The following EML6 variants were observed in gnomAD, a reference collection of about 807,000 sequenced individuals.
EML6 encodes echinoderm microtubule-associated protein-like 6.
In EML6, 154 loss-of-function variants were observed where a neutral mutation model predicts 240.1. That is an observed-to-expected ratio of 0.64 (90% CI 0.56 to 0.73). The LOEUF (loss-of-function observed/expected upper bound fraction) is 0.73. Ranked by LOEUF, EML6 falls within the 30% of genes least tolerant of loss-of-function variation. The probability of loss-of-function intolerance (pLI) is 0.00; values close to 1 mark genes in which losing one functional copy is unlikely to be tolerated. For missense variants in EML6, 2,964 were observed against 2,474.6 expected (o/e 1.20, Z -4.20); for synonymous variants, 1,148 against 899.0 (o/e 1.28, Z -4.95).
chr2:54,765,199 T>C (rs1668133751), intron 2 of EML6, among the ~76,000 whole-genome samples: 1 of 152,192 alleles, frequency 6.6e-6, no homozygotes, highest in South Asian at 2.1e-4. Context: ...TAACTTATTG[T>C]GTATAATTTA....
intron 13 of EML6, among the ~76,000 whole-genome samples, chr2:54,866,076 G>T (rs1670954773): frequency 6.6e-6 from 1 of 152,090 alleles, no homozygotes; most frequent in Non-Finnish European, 1.5e-5. Context: ...AATGATTTTT[G>T]ATCAAATCCT....
At chr2:54,941,246 T>C (rs1675413125) in intron 28 of EML6, among the ~76,000 whole-genome samples, 1 of 152,246 alleles carries the variant, frequency 6.6e-6, no homozygotes, top group Non-Finnish European at 1.5e-5. Flanking sequence ...ACATTTGTCA[T>C]TTATTTCTGT....
In EML6 at chr2:54,763,912, G is replaced by T. The variant is rs182446563; in HGVS notation, c.197+38654G>T. Among the ~76,000 whole-genome samples the T allele has an allele frequency of 9.8e-4, 150 of 152,324 alleles. 1 individual carries two copies. Among genetic ancestry groups the T allele is most frequent in the African/African-American group, 3.4e-3 (141 of 41,562 alleles). Reference sequence around the variant, plus strand: ...TGGGAAGTGAGGTTCAAGATCTCCAGCCCTGAAGGCCTCTCCAAACTCCGT... The same window carrying T: ...TGGGAAGTGAGGTTCAAGATCTCCATCCCTGAAGGCCTCTCCAAACTCCGT... On this transcript the variant is annotated intron_variant, in intron 2 of 41. Transcript: ENST00000356458.
At chr2:54,864,734 G>A (rs1046362676) in intron 13 of EML6, among the ~76,000 whole-genome samples, 5 of 152,232 alleles carry the variant, frequency 3.3e-5, no homozygotes, top group African/African-American at 1.2e-4. Flanking sequence ...TGTCCACGTT[G>A]CTTGTCGTAT....
intron 2 of EML6, among the ~76,000 whole-genome samples, chr2:54,730,470 A>G (rs1683103879): frequency 6.6e-6 from 1 of 152,196 alleles, no homozygotes; most frequent in Non-Finnish European, 1.5e-5. Context: ...TATTAAGTTG[A>G]GTGCTTGCTC....
intron 2 of EML6, among the ~76,000 whole-genome samples, chr2:54,788,263 C>T (rs546641198): frequency 4.5e-4 from 69 of 152,310 alleles, no homozygotes; most frequent in African/African-American, 1.4e-3. Context: ...GGGCTGCCCT[C>T]TTCTCTCTGG....
intron 7 of EML6, among the ~76,000 whole-genome samples, chr2:54,842,002 A>G (rs545650613): frequency 7.9e-5 from 12 of 152,076 alleles, no homozygotes; most frequent in Non-Finnish European, 1.2e-4. Flanking sequence ...ACACATACAT[A>G]GCTTCCCTCA....
chr2:54,813,570 G>A (rs1667955405), intron 3 of EML6, among the ~76,000 whole-genome samples, 179 bp downstream of exon 3: 2 of 152,076 alleles, frequency 1.3e-5, no homozygotes, highest in Admixed American at 6.6e-5. Context: ...ACCAAACTCT[G>A]GACAGGCCTT....
chr2:54,797,167 A>AAAAAAAAAAAAAAAAAAAAACC (rs1669839317), intron 2 of EML6, among the ~76,000 whole-genome samples: 1 of 114,020 alleles, frequency 8.8e-6, no homozygotes. Context: ...TCCATCTCAA[A>AAAAAAAAAAAAAAAAAAAAACC]AAAAAAAAAA....
rs1011905947 is a variant in EML6, at chr2:54,928,415, G to T, written c.3778G>T (p.Asp1260Tyr). 6.5e-7 allele frequency: 1 copy of T among 1,548,472 alleles called. No individual in the cohort carries two copies. The highest frequency in any genetic ancestry group is 8.7e-7 in the Non-Finnish European group (1 of 1,145,596). ...TGTGCTGCTCACGGTGGGCGGCGCC[G>T]ACACAGCCCTGATGATCTGGACCAG... ...DSVLLTVGGA[D>Y]TALMIWTREF... Residue 1260 changes from aspartate to tyrosine, a missense_variant, in exon 27 of 42, where the codon GAC (aspartate) becomes TAC (tyrosine). Coordinates refer to ENST00000356458, the MANE Select transcript of EML6 (RefSeq NM_001039753.4).
In EML6 at chr2:54,844,170, G is replaced by A; in HGVS notation, c.971G>A (p.Cys324Tyr). The change falls in exon 8 of 42, where the codon TGC (cysteine) becomes TAC (tyrosine). Residue 324 changes from cysteine to tyrosine, a missense_variant. Physicochemically the swap from Cys to Tyr is radical, Grantham distance 194 (BLOSUM62 -2). Transcript: ENST00000356458. ...CCGATGTTGATCCTACAGGGCCACT[G>A]CGAGGGTGAGCTCTGGGCTCTGGCC... is the stretch of plus-strand genomic sequence containing the variant. ...DKPMLILQGH[C>Y]EGELWALALH... is the part of the protein sequence containing the mutation. 1 of 1,551,752 alleles carries A rather than the reference G, an allele frequency of 6.4e-7. No individual in the cohort carries two copies. The highest frequency in any genetic ancestry group is 8.7e-7 in the Non-Finnish European group (1 of 1,146,998).
intron 25 of EML6, among the ~76,000 whole-genome samples, chr2:54,915,106 C>G (rs1056187774): frequency 2.0e-5 from 3 of 152,194 alleles, no homozygotes; most frequent in African/African-American, 7.2e-5. Flanking sequence ...CCAGCATTTT[C>G]AACAAGTTTA....
chr2:54,754,425 A>G (rs2103724810), intron 2 of EML6, among the ~76,000 whole-genome samples: 1 of 152,298 alleles, frequency 6.6e-6, no homozygotes, highest in East Asian at 1.9e-4. Flanking sequence ...TATGGCAGCA[A>G]TAGGAAACTA....
At chr2:54,767,794 A>G (rs1668248361) in intron 2 of EML6, among the ~76,000 whole-genome samples, 1 of 151,688 alleles carries the variant, frequency 6.6e-6, no homozygotes, top group Non-Finnish European at 1.5e-5. Context: ...TAATTTTTGT[A>G]TTTTTTTGTA....
At position 54,831,070 on chromosome 2, in the gene EML6, A is replaced by AT. The variant is rs1466519869; in HGVS notation, c.847+1601dup. Among the ~76,000 whole-genome samples the AT allele has an allele frequency of 2.6e-5, 4 of 152,076 alleles. No individual in the cohort carries two copies. The East Asian group carries it at 7.7e-4, about 29-fold the overall frequency. ...AAGCTTGCAAGTACCCGTAAGAGCA[A>AT]TTTTTTTTAAGTACAGTAGCCAAAA... On this transcript the variant is annotated intron_variant, in intron 7 of 41. Coordinates refer to ENST00000356458, the MANE Select transcript of EML6 (RefSeq NM_001039753.4).
chr2:54,954,758 G>A (rs139728498), intron 32 of EML6, among the ~76,000 whole-genome samples: 1 of 152,118 alleles, frequency 6.6e-6, no homozygotes, highest in African/African-American at 2.4e-5. Context: ...CTGAATGTGT[G>A]GTCATCTTAG....
At chr2:54,918,545 C>G (rs1458550716) in intron 26 of EML6, among the ~76,000 whole-genome samples, 2 of 152,146 alleles carry the variant, frequency 1.3e-5, no homozygotes, top group African/African-American at 4.8e-5. Flanking sequence ...TGGGGTCTCA[C>G]TATATTACCC....
intron 26 of EML6, among the ~76,000 whole-genome samples, chr2:54,925,456 T>C (rs1350748029): frequency 6.6e-6 from 1 of 152,224 alleles, no homozygotes; most frequent in African/African-American, 2.4e-5. Context: ...TGAGATCTTA[T>C]TACCACCACA....
chr2:54,951,182 T>C (rs1277953933), intron 30 of EML6, among the ~76,000 whole-genome samples: 4 of 152,218 alleles, frequency 2.6e-5, no homozygotes, highest in Non-Finnish European at 5.9e-5. Context: ...ATTTTTCAAG[T>C]TGTATTTTGA....
Sources: gnomAD v4.1 joint callset for allele counts (sites outside exome capture counted in the v4.1 genomes callset) on GRCh38, gnomAD v4.1.1 for gene constraint, MANE v1.5 for transcripts, NCBI Gene and HGNC (gene_info 2026-07-23, HGNC 2026-07-21) for gene names.